The following HNF4G variants were observed in gnomAD, a reference collection of about 807,000 sequenced individuals.
HNF4G encodes hepatocyte nuclear factor 4-gamma.
In HNF4G, 21 loss-of-function variants were observed where a neutral mutation model predicts 50.9. That is an observed-to-expected ratio of 0.41 (90% confidence interval 0.29 to 0.59). The LOEUF is 0.59. HNF4G is among the 20% of genes least tolerant of loss of function. The probability of loss-of-function intolerance (pLI) is 0.26; values close to 1 mark genes in which losing one functional copy is unlikely to be tolerated. For missense variants in HNF4G, 527 were observed against 559.4 expected, an observed-to-expected ratio of 0.94 and a Z score of 0.58; for synonymous variants, 198 against 185.6, an observed-to-expected ratio of 1.07 and a Z score of -0.54.
intron 1 of HNF4G, among the ~76,000 whole-genome samples, chr8:75,423,288 A>G (rs940402215): frequency 2.0e-5 from 3 of 147,274 alleles, no homozygotes; most frequent in African/African-American, 5.0e-5. Context: ...AACATTTTAC[A>G]TTAGTTAGCT....
At chr8:75,512,520 A>G (rs1046461029) in intron 2 of HNF4G, among the ~76,000 whole-genome samples, 2 of 151,418 alleles carry the variant, frequency 1.3e-5, no homozygotes, top group African/African-American at 4.9e-5. Context: ...GCTGGAGTGC[A>G]GTGGTGCAAT....
At chr8:75,539,130 A>G (rs1196264954), upstream of HNF4G, among the ~76,000 whole-genome samples, 1 of 134,250 alleles carries the variant, frequency 7.4e-6, no homozygotes, top group Non-Finnish European at 1.7e-5. Context: ...AGGATTGATG[A>G]TAGGAATATG....
At chr8:75,436,768 GCA>G (rs2130534756) in intron 1 of HNF4G, among the ~76,000 whole-genome samples, 1 of 152,286 alleles carries the variant, frequency 6.6e-6, no homozygotes, top group South Asian at 2.1e-4. Context: ...CTTTGTCCAG[GCA>G]CAGTGGCTCA....
chr8:75,463,900 G>A (rs1035223664), intron 1 of HNF4G, among the ~76,000 whole-genome samples: 7 of 150,904 alleles, frequency 4.6e-5, no homozygotes, highest in South Asian at 2.1e-4. Context: ...TCAGCCTCCC[G>A]AGTAGCTGGG....
intron 1 of HNF4G, among the ~76,000 whole-genome samples, chr8:75,426,885 A>G (rs1348062616): frequency 1.3e-5 from 2 of 152,168 alleles, no homozygotes; most frequent in Non-Finnish European, 2.9e-5. Flanking sequence ...TCCATTATGT[A>G]ACTCCATTTT....
intron 1 of HNF4G, among the ~76,000 whole-genome samples, chr8:75,472,031 A>T (rs1444220544): frequency 6.6e-6 from 1 of 152,166 alleles, no homozygotes; most frequent in Non-Finnish European, 1.5e-5. Flanking sequence ...CTGCTGAAAG[A>T]TAAGGTGACA....
chr8:75,506,800 A>C (rs555717333), intron 2 of HNF4G, among the ~76,000 whole-genome samples: 2 of 152,320 alleles, frequency 1.3e-5, no homozygotes, highest in Non-Finnish European at 2.9e-5. Context: ...GATAGAGTGC[A>C]AAGACAAATT....
chr8:75,430,503 G>GAGAGA (rs1554567911), intron 1 of HNF4G, among the ~76,000 whole-genome samples: 14 of 123,302 alleles, frequency 1.1e-4, no homozygotes, highest in African/African-American at 4.4e-4. Context: ...AGAGAGAGAG[G>GAGAGA]GAGAGAGAGA....
intron 1 of HNF4G, among the ~76,000 whole-genome samples, chr8:75,422,390 TC>T (rs1419015153): frequency 2.6e-5 from 4 of 152,226 alleles, no homozygotes; most frequent in Non-Finnish European, 5.9e-5. Flanking sequence ...CAGTGCTTGT[TC>T]AGCTACTGTT....
chr8:75,563,350 A>C (rs1372914332), intron 9 of HNF4G, among the ~76,000 whole-genome samples: 5 of 151,984 alleles, frequency 3.3e-5, no homozygotes, highest in African/African-American at 9.7e-5. Context: ...CAGTTACTTT[A>C]TATTCAATTA....
At chr8:75,467,216 T>G (rs1812009095) in intron 1 of HNF4G, among the ~76,000 whole-genome samples, 1 of 152,204 alleles carries the variant, frequency 6.6e-6, no homozygotes, top group African/African-American at 2.4e-5. Context: ...CATTTATTTA[T>G]TTATTCAAGA....
chr8:75,539,924 T>C lies in HNF4G; in HGVS notation c.-39T>C. 1.1e-6 allele frequency: 1 copy of C among 932,280 alleles called. No individual in the cohort carries two copies. Among genetic ancestry groups the C allele is most frequent in the Non-Finnish European group, 1.8e-6 (1 of 563,070 alleles). The allele number at this position is 932,280 out of a possible 1,614,324, so 57.8% of individuals were successfully genotyped here. On this transcript the variant is annotated 5_prime_UTR_variant, in exon 1 of 10. Coordinates refer to ENST00000396423, the MANE Select transcript of HNF4G (RefSeq NM_004133.5). ...ACATCAAAACACTCATCACGCACTC[T>C]GGGCTTGTGGTGCCACTTGTATGTG...
intron 1 of HNF4G, among the ~76,000 whole-genome samples, chr8:75,422,460 T>C (rs1250884428): frequency 1.3e-5 from 2 of 152,216 alleles, no homozygotes; most frequent in African/African-American, 2.4e-5. Context: ...GAATACTAGG[T>C]AAAATTAATG....
intron 1 of HNF4G, among the ~76,000 whole-genome samples, chr8:75,426,449 G>A (rs1810891982): frequency 6.6e-6 from 1 of 152,146 alleles, no homozygotes; most frequent in South Asian, 2.1e-4. Context: ...TCTAAATTAA[G>A]CAGACACTTC....
At chr8:75,421,507 A>C (rs889372649) in intron 1 of HNF4G, among the ~76,000 whole-genome samples, 6 of 152,244 alleles carry the variant, frequency 3.9e-5, no homozygotes, top group African/African-American at 1.2e-4. Flanking sequence ...AAAACCTATC[A>C]TCTCTATCTT....
At chr8:75,494,138 G>A (rs1263166102) in intron 2 of HNF4G, among the ~76,000 whole-genome samples, 3 of 152,044 alleles carry the variant, frequency 2.0e-5, no homozygotes, top group African/African-American at 7.2e-5. Context: ...AGAAATCAAA[G>A]TTGTCTAAAA....
chr8:75,556,626 A>G (rs552373438), intron 6 of HNF4G, among the ~76,000 whole-genome samples: 2 of 152,192 alleles, frequency 1.3e-5, no homozygotes, highest in Non-Finnish European at 2.9e-5. Flanking sequence ...CATAAAGAAA[A>G]GACATTTGTC....
intron 2 of HNF4G, among the ~76,000 whole-genome samples, chr8:75,544,638 C>T (rs1806720566): frequency 8.5e-6 from 1 of 117,956 alleles, no homozygotes; most frequent in South Asian, 2.5e-4. Flanking sequence ...TTCCAGTAGG[C>T]TGTTTTCTTG....
In HNF4G at chr8:75,435,597, TTTG is replaced by T. The variant is rs1185522861; in HGVS notation, c.-144+27447_-144+27449del. ...AGGCTCTGAAAAGAAAAAAGTAATT[TTTG>T]TTGTTGTTGTTTTGAGACAGTCTCA... On this transcript the variant is annotated intron_variant, in intron 1 of 10. Transcript: ENST00000354370. Among the ~76,000 whole-genome samples the T allele has an allele frequency of 5.3e-5, 8 of 152,112 alleles. No homozygotes were observed. The South Asian group carries it at 1.2e-3, about 24-fold the overall frequency.
Sources: allele counts gnomAD v4.1 joint callset (sites outside exome capture counted in the v4.1 genomes callset), GRCh38; gene constraint gnomAD v4.1.1; transcripts MANE v1.5; gene names NCBI Gene and HGNC (gene_info 2026-07-23, HGNC 2026-07-21).